Variants in CERK observed in about 807,000 individuals in gnomAD.
CERK encodes the protein acylsphingosine kinase.
In CERK, 39 loss-of-function variants were observed where a neutral mutation model predicts 63.4. The ratio of observed to expected loss-of-function variants is 0.61; its 90% CI spans 0.48 to 0.80. The LOEUF (loss-of-function observed/expected upper bound fraction) is 0.80, where lower values mean the gene tolerates loss of function less well. Among genes scored for constraint, CERK ranks in the 30% least tolerant of loss-of-function variants. CERK has a pLI of 0.00. For missense variants in CERK, 670 were observed against 714.1 expected (o/e 0.94, Z 0.70); for synonymous variants, 302 against 280.0 (o/e 1.08, Z -0.78).
intron 1 of CERK, among the ~76,000 whole-genome samples, chr22:46,734,111 C>A (rs1049916890): frequency 6.6e-6 from 1 of 150,992 alleles, no homozygotes; most frequent in Non-Finnish European, 1.5e-5. Flanking sequence ...ATCCAGCTTT[C>A]TACTCTTAAA....
intron 8 of CERK, among the ~76,000 whole-genome samples, 159 bp downstream of exon 8, chr22:46,699,154 C>T (rs888574697): frequency 2.0e-5 from 3 of 152,140 alleles, no homozygotes; most frequent in African/African-American, 7.2e-5. Flanking sequence ...GACCCTGCCA[C>T]GTTCTGGCCC....
intron 4 of CERK, 47 bp from the exon 5 acceptor site, chr22:46,711,196 TC>T (rs1457703331): frequency 2.8e-6 from 4 of 1,416,760 alleles, no homozygotes; most frequent in Non-Finnish European, 4.0e-6. Context: ...CATCTGTGAG[TC>T]CTCACGTAAA....
chr22:46,727,449 C>CTTTCTT lies in CERK; in HGVS notation c.143-6435_143-6434insAAGAAA, dbSNP rs1555989230. Among the ~76,000 whole-genome samples the CTTTCTT allele has an allele frequency of 4.2e-4, 26 of 61,820 alleles. 1 individual carries two copies. Among genetic ancestry groups the CTTTCTT allele is most frequent in the East Asian group, 1.9e-3 (2 of 1,044 alleles). 40.6% of individuals were successfully genotyped at this position (61,820 alleles called of 152,430 possible). A position where few individuals can be genotyped will look rare whatever the true frequency, so the allele number is the denominator to read the frequency against. On this transcript the variant is annotated intron_variant, in intron 1 of 12. Transcript: ENST00000216264. The stretch of plus-strand genomic sequence containing the variant: ...TGTGTGCCACCATGCCCAGCTGTTT[C>CTTTCTT]TTTTTTTTTTTTTTTTTGAGAGATG...
At chr22:46,716,109 G>C (rs2082864840) in intron 3 of CERK, among the ~76,000 whole-genome samples, 1 of 151,998 alleles carries the variant, frequency 6.6e-6, no homozygotes, top group Non-Finnish European at 1.5e-5. Context: ...AGCATTGCTT[G>C]AGCTCAGGAG....
intron 10 of CERK, among the ~76,000 whole-genome samples, chr22:46,693,019 C>T (rs941639882): frequency 2.0e-5 from 3 of 151,982 alleles, no homozygotes; most frequent in Admixed American, 6.6e-5. Flanking sequence ...AAAGTTTCAT[C>T]GGCAGATGGC....
intron 5 of CERK, among the ~76,000 whole-genome samples, chr22:46,708,956 C>A (rs1003803461): frequency 3.9e-5 from 6 of 152,168 alleles, no homozygotes; most frequent in African/African-American, 1.4e-4. Flanking sequence ...CCCAGTGGGT[C>A]TGTCTGTGCA....
chr22:46,737,644 C>T (rs1029092360), intron 1 of CERK, among the ~76,000 whole-genome samples: 4 of 111,088 alleles, frequency 3.6e-5, no homozygotes, highest in Admixed American at 9.3e-5. Flanking sequence ...GAGCGCCTGG[C>T]ACCCCCCCTC....
At chr22:46,707,656 C>T (rs940805255) in intron 6 of CERK, among the ~76,000 whole-genome samples, 187 bp downstream of exon 6, 3 of 152,212 alleles carry the variant, frequency 2.0e-5, no homozygotes, top group Non-Finnish European at 2.9e-5. Flanking sequence ...TTCCTTTCCA[C>T]GAGTGTCTAT....
At position 46,684,750 on chromosome 22, in the gene CERK, T is replaced by C. The variant is rs945852950; in HGVS notation, c.*2384A>G. ...AAAACTCTAAAGTACAGGTGTTGTA[T>C]GTCTGCCGCATCTGAAAGGCTGCCC... On this transcript the variant is annotated 3_prime_UTR_variant, in exon 13 of 13. Coordinates refer to ENST00000216264, the MANE Select transcript of CERK (RefSeq NM_022766.6). The C allele has an allele frequency of 3.3e-5, 5 of 152,182 alleles. No homozygotes were observed. The highest frequency in any genetic ancestry group is 1.2e-4 in the African/African-American group (5 of 41,448). 9.4% of individuals were successfully genotyped at this position (152,182 alleles called of 1,614,324 possible).
rs767696067 is a variant in CERK at position 46,686,886 on chromosome 22, G to A, written c.*248C>T. ...CATCGTTAAAACCTAAGAGGCCAGTGCCCCCAAGTGAGCAGCTGCATCCGC... is the reference window on the plus strand; with the variant it reads ...CATCGTTAAAACCTAAGAGGCCAGTACCCCCAAGTGAGCAGCTGCATCCGC... On this transcript the variant is annotated 3_prime_UTR_variant, in exon 13 of 13. Transcript: ENST00000216264. The A allele has an allele frequency of 2.1e-6, 1 of 482,052 alleles. No individual in the cohort carries two copies. The highest frequency in any genetic ancestry group is 3.8e-6 in the Non-Finnish European group (1 of 265,524). The allele number at this position is 482,052 out of a possible 1,614,324, so 29.9% of individuals were successfully genotyped here.
At position 46,715,329 on chromosome 22, in the gene CERK, C is replaced by T. The variant is rs191943889; in HGVS notation, c.380-3036G>A. 6.5e-4 allele frequency among the ~76,000 whole-genome samples: 99 copies of T among 152,210 alleles called. 1 individual carries two copies. Among genetic ancestry groups the T allele is most frequent in the East Asian group, 1.9e-3 (10 of 5,184 alleles). ...TGTTATTATGCACAGCTGACATGAT[C>T]GTGTTTGACAAAAATCTAAAATAAT... On this transcript the variant is annotated intron_variant, in intron 3 of 12. Coordinates refer to ENST00000216264, the MANE Select transcript of CERK (RefSeq NM_022766.6).
chr22:46,734,664 G>A (rs760864214), intron 1 of CERK, among the ~76,000 whole-genome samples: 14 of 152,110 alleles, frequency 9.2e-5, no homozygotes, highest in Non-Finnish European at 2.1e-4. Flanking sequence ...TGATAAAATC[G>A]ATTTTTAAAA....
intron 1 of CERK, among the ~76,000 whole-genome samples, chr22:46,724,639 G>A (rs2082908754): frequency 6.6e-6 from 1 of 152,206 alleles, no homozygotes; most frequent in Non-Finnish European, 1.5e-5. Context: ...GAACCCCATA[G>A]GGGATTAGAA....
Position 46,688,062 on chromosome 22 carries a change from TG to T in CERK, c.1542-857del, listed in dbSNP as rs371169349. On this transcript the variant is annotated intron_variant, in intron 12 of 12. Transcript: ENST00000216264. ...AAATATAAAAATTAGCCAGGTGTGG[TG>T]GCGGGCGCCTGCTACTTGGGAGGCT... Among the ~76,000 whole-genome samples the T allele has an allele frequency of 9.1e-4, 139 of 152,124 alleles. 1 individual carries two copies. The highest frequency in any genetic ancestry group is 3.1e-3 in the African/African-American group (130 of 41,498).
chr22:46,699,222 T>C, intron 8 of CERK, 91 bp downstream of exon 8: 3 of 1,370,268 alleles, frequency 2.2e-6, no homozygotes, highest in Non-Finnish European at 3.1e-6. Flanking sequence ...GGCCCACCTC[T>C]GACGGTGCTC....
intron 1 of CERK, among the ~76,000 whole-genome samples, chr22:46,733,646 T>C (rs2082957269): frequency 6.6e-6 from 1 of 152,224 alleles, no homozygotes; most frequent in East Asian, 1.9e-4. Flanking sequence ...TTTAAAATTA[T>C]TTCGTCAAAT....
intron 6 of CERK, among the ~76,000 whole-genome samples, chr22:46,707,153 C>T (rs559174145): frequency 1.3e-5 from 2 of 152,250 alleles, no homozygotes; most frequent in South Asian, 4.2e-4. Context: ...AGAGCTGTGA[C>T]GAGAGTGAAA....
chr22:46,688,755 C>A lies in CERK; in HGVS notation c.1541+1237G>T, dbSNP rs775813802. On this transcript the variant is annotated intron_variant, in intron 12 of 12. Coordinates refer to ENST00000216264, the MANE Select transcript of CERK (RefSeq NM_022766.6). The stretch of plus-strand genomic sequence containing the variant: ...TGCAGACAGGCGTGGGCCTGCTGAC[C>A]AGCCTGCTATCGCTCTCACGCCAGC... Among the ~76,000 whole-genome samples the A allele has an allele frequency of 2.0e-4, 31 of 152,378 alleles. No homozygotes were observed. The South Asian group carries it at 3.9e-3, about 19-fold the overall frequency.
At chr22:46,695,354 G>C in intron 8 of CERK, 39 bp from the exon 9 acceptor site, 1 of 1,181,830 alleles carries the variant, frequency 8.5e-7, no homozygotes, top group South Asian at 1.2e-5. Context: ...CATCCACAAG[G>C]GTCATTGCTT....
Sources: allele counts gnomAD v4.1 joint callset (sites outside exome capture counted in the v4.1 genomes callset), GRCh38; gene constraint gnomAD v4.1.1; transcripts MANE v1.5; gene names NCBI Gene and HGNC (gene_info 2026-07-23, HGNC 2026-07-21).